The following SLF1 variants were observed in gnomAD, a reference collection of about 807,000 sequenced individuals.
SLF1 encodes SMC5-SMC6 complex localization factor protein 1.
A neutral mutation model predicts 123.0 loss-of-function variants in SLF1; 105 were observed. That is an observed-to-expected ratio of 0.85 (90% CI 0.73 to 1.00). SLF1 has a LOEUF of 1.00. SLF1 is among the 50% of genes least tolerant of loss of function. The pLI is 0.00. For synonymous variants in SLF1, 434 were observed against 406.6 expected (o/e 1.07, Z -0.81); for missense variants, 1,239 against 1,223.0 (o/e 1.01, Z -0.20).
intron 5 of SLF1, among the ~76,000 whole-genome samples, chr5:94,646,249 C>T (rs755900): frequency 0.22 from 33,694 of 151,670 alleles, 3,857 homozygotes; most frequent in East Asian, 0.34. Context: ...CCTTGTCCCC[C>T]TTTTTTTTAA....
At chr5:94,668,987 TTAA>T (rs1750132575) in intron 12 of SLF1, among the ~76,000 whole-genome samples, 2 of 152,214 alleles carry the variant, frequency 1.3e-5, no homozygotes, top group East Asian at 1.9e-4. Flanking sequence ...ATGTAAGTAC[TTAA>T]TAAAGGTTTG....
chr5:94,693,293 A>G (rs145143574), intron 20 of SLF1, among the ~76,000 whole-genome samples: 4 of 151,630 alleles, frequency 2.6e-5, no homozygotes, highest in Admixed American at 6.6e-5. Flanking sequence ...CAGTTCTTCT[A>G]CCTTGTTTTT....
chr5:94,657,029 TATTA>T (rs1483370525), intron 9 of SLF1, among the ~76,000 whole-genome samples: 4 of 149,180 alleles, frequency 2.7e-5, no homozygotes, highest in African/African-American at 9.7e-5. Flanking sequence ...AATAAATATT[TATTA>T]ATTTATAATT....
At position 94,670,913 on chromosome 5, in the gene SLF1, T is replaced by G; in HGVS notation, c.1732T>G (p.Ser578Ala). Reference protein sequence around the residue: ...GKAMLLEIFWSGSETSGLLTK... With the variant: ...GKAMLLEIFWAGSETSGLLTK... ...GGCAATGCTTCTTGAAATTTTTTGG[T>G]CAGGAAGTGAAACCTCTGGGCTTTT... The change falls in exon 14 of 21, where the codon TCA (serine) becomes GCA (alanine). Residue 578 changes from serine (S) to alanine (A), a missense_variant. Ser to Ala is a moderately conservative substitution (Grantham distance 99). Transcript: ENST00000265140. 1 of 1,550,296 alleles carries G rather than the reference T, an allele frequency of 6.5e-7. No homozygotes were observed. Among genetic ancestry groups the G allele is most frequent in the African/African-American group, 1.4e-5 (1 of 73,104 alleles).
intron 12 of SLF1, among the ~76,000 whole-genome samples, chr5:94,666,940 T>C (rs1749825744): frequency 6.8e-6 from 1 of 146,122 alleles, no homozygotes; most frequent in African/African-American, 2.5e-5. Context: ...CCATCACGCC[T>C]GGCTGGGAAG....
At chr5:94,671,305 T>C (rs536509900) in intron 14 of SLF1, among the ~76,000 whole-genome samples, 195 of 151,900 alleles carry the variant, frequency 1.3e-3, no homozygotes, top group Non-Finnish European at 2.3e-3. Flanking sequence ...CATGAAGAAC[T>C]TAAGATTTAA....
intron 4 of SLF1, 73 bp downstream of exon 4, chr5:94,630,816 AT>A (rs1745115517): frequency 6.8e-7 from 1 of 1,472,020 alleles, no homozygotes; most frequent in Non-Finnish European, 9.1e-7. Flanking sequence ...TACTTTCTGT[AT>A]TTTTTTGCAA....
At chr5:94,669,343 C>T (rs1410966199) in intron 12 of SLF1, among the ~76,000 whole-genome samples, 3 of 151,922 alleles carry the variant, frequency 2.0e-5, no homozygotes, top group South Asian at 2.1e-4. Context: ...AAGAAGACAG[C>T]GGAAGTGGAG....
chr5:94,630,595 G>A lies in SLF1; in HGVS notation c.283G>A (p.Glu95Lys). The change falls in exon 4 of 21, where the codon GAA becomes AAA. Residue 95 changes from glutamate (E) to lysine (K), a missense_variant. Transcript: ENST00000265140. The stretch of plus-strand genomic sequence containing the variant: ...AACTTATGAATGGGGATATAAAATT[G>A]AAAAAGATTCCCGTTATTCACCTCA... ...ETTYEWGYKI[E>K]KDSRYSPQMQ... 1 of 1,551,626 alleles carries A rather than the reference G, an allele frequency of 6.4e-7. No homozygotes were observed. The highest frequency in any genetic ancestry group is 1.2e-5 in the South Asian group (1 of 84,058).
chr5:94,685,635 G>A (rs1752328154), intron 15 of SLF1, among the ~76,000 whole-genome samples: 1 of 152,018 alleles, frequency 6.6e-6, no homozygotes, highest in African/African-American at 2.4e-5. Context: ...AGGTTTTGTA[G>A]AAGATATTTG....
rs952040009 is a variant in SLF1, at chr5:94,630,673, C to T, written c.361C>T (p.Pro121Ser). Residue 121 changes from proline to serine, a missense_variant, in exon 4 of 21, where the codon CCA becomes TCA. Physicochemically the swap from Pro to Ser is moderately conservative, Grantham distance 74 (BLOSUM62 -1). Coordinates refer to ENST00000265140, the MANE Select transcript of SLF1 (RefSeq NM_032290.4). ...WREELKRTGA[P>S]GAFHRWKVVL... ...TGAAGAACTGAAACGCACTGGTGCT[C>T]CAGGAGCCTTCCACAGATGGAAAGT... is the stretch of plus-strand genomic sequence containing the variant. The T allele has an allele frequency of 1.3e-6, 2 of 1,551,616 alleles. No homozygotes were observed. The highest frequency in any genetic ancestry group is 1.2e-5 in the South Asian group (1 of 84,056).
intron 15 of SLF1, among the ~76,000 whole-genome samples, chr5:94,685,796 C>A (rs999004442): frequency 2.0e-4 from 30 of 151,220 alleles, no homozygotes; most frequent in Non-Finnish European, 4.3e-4. Context: ...GATCGCACCA[C>A]TGCACTCCAG....
At chr5:94,620,849 TC>T (rs944069159) in intron 1 of SLF1, among the ~76,000 whole-genome samples, 2 of 152,200 alleles carry the variant, frequency 1.3e-5, no homozygotes, top group African/African-American at 4.8e-5. Context: ...ATTCATACTT[TC>T]TATCAAAATT....
intron 5 of SLF1, among the ~76,000 whole-genome samples, chr5:94,647,072 C>T (rs554366725): frequency 7.9e-5 from 12 of 152,272 alleles, no homozygotes; most frequent in African/African-American, 2.9e-4. Context: ...AAACTTAAAG[C>T]CAACCACTCA....
chr5:94,635,351 T>C (rs1233010949), intron 4 of SLF1, among the ~76,000 whole-genome samples: 1 of 149,608 alleles, frequency 6.7e-6, no homozygotes, highest in Admixed American at 6.6e-5. Context: ...TTTTTTTTTT[T>C]TTTTTTTTTT....
chr5:94,636,016 T>C (rs192351064), intron 4 of SLF1, among the ~76,000 whole-genome samples: 50 of 152,348 alleles, frequency 3.3e-4, no homozygotes, highest in Non-Finnish European at 6.5e-4. Context: ...GTTTGGGAAA[T>C]TTTTAATTTC....
upstream of SLF1, chr5:94,618,365 C>G (rs1424786368): frequency 6.5e-6 from 1 of 152,752 alleles, no homozygotes; most frequent in African/African-American, 2.4e-5. Flanking sequence ...GGGTGTCAAG[C>G]GCCACGGGGT....
intron 14 of SLF1, among the ~76,000 whole-genome samples, chr5:94,676,385 C>T (rs1445673271): frequency 6.6e-6 from 1 of 152,038 alleles, no homozygotes; most frequent in Admixed American, 6.6e-5. Context: ...CCGATCACAC[C>T]AGGGGAGGTG....
intron 12 of SLF1, among the ~76,000 whole-genome samples, chr5:94,668,168 A>G (rs138505279): frequency 1.1e-4 from 17 of 151,156 alleles, no homozygotes; most frequent in African/African-American, 3.2e-4. Context: ...TTCCTTTTCA[A>G]ATCTCACTGT....
Sources: allele counts gnomAD v4.1 joint callset (sites outside exome capture counted in the v4.1 genomes callset), GRCh38; gene constraint gnomAD v4.1.1; transcripts MANE v1.5; gene names NCBI Gene and HGNC (gene_info 2026-07-23, HGNC 2026-07-21).